The following CCDC93 variants were observed in gnomAD, a reference collection of about 807,000 sequenced individuals.
CCDC93 encodes the protein CCC complex scaffolding subunit CCDC93.
CCDC93 carries 61 observed loss-of-function variants against 108.2 expected under a neutral mutation model. The ratio of observed to expected loss-of-function variants is 0.56; its 90% confidence interval spans 0.46 to 0.70. CCDC93 has a LOEUF of 0.70. Among genes scored for constraint, CCDC93 ranks in the 30% least tolerant of loss-of-function variants. The pLI is 0.00. For synonymous variants in CCDC93, 276 were observed against 260.4 expected, an observed-to-expected ratio of 1.06 and a Z score of -0.58; for missense variants, 685 against 764.2, an observed-to-expected ratio of 0.90 and a Z score of 1.22.
At chr2:117,920,663 G>T (rs1305030472) in intron 23 of CCDC93, among the ~76,000 whole-genome samples, 2 of 152,184 alleles carry the variant, frequency 1.3e-5, no homozygotes, top group African/African-American at 4.8e-5. Context: ...AAGACTTCAT[G>T]AAGTCTGTGA....
At position 117,948,107 on chromosome 2, in the gene CCDC93, G is replaced by A. The variant is rs768880837; in HGVS notation, c.1222C>T (p.Arg408Ter). 10 of 1,610,438 alleles carry A rather than the reference G, an allele frequency of 6.2e-6. No individual in the cohort carries two copies. The highest frequency in any genetic ancestry group is 7.6e-6 in the Non-Finnish European group (9 of 1,176,726). Residue 408 changes from arginine to a stop codon, truncating the protein, a stop_gained and splice_region_variant, in exon 15 of 24, where the codon CGA (arginine) becomes TGA (stop). Transcript: ENST00000376300. LOFTEE classifies it high-confidence loss of function. ...SQEQEFKAHC[R>*]EEMTRLQQEI... Reference sequence around the variant, plus strand: ...TGCTGACACCAAACAACACTTACTCGACAATGTGCTTTAAATTCCTGTTCT... The same window carrying A: ...TGCTGACACCAAACAACACTTACTCAACAATGTGCTTTAAATTCCTGTTCT...
At chr2:118,002,306 T>G (rs1326532628) in intron 3 of CCDC93, among the ~76,000 whole-genome samples, 2 of 152,200 alleles carry the variant, frequency 1.3e-5, no homozygotes, top group African/African-American at 2.4e-5. Context: ...AAGATGAACA[T>G]CTGACTCAGG....
chr2:117,967,397 A>T (rs1679621665), intron 11 of CCDC93, among the ~76,000 whole-genome samples: 1 of 152,252 alleles, frequency 6.6e-6, no homozygotes, highest in African/African-American at 2.4e-5. Flanking sequence ...CACGGCTTTC[A>T]GCAGCTTAGG....
intron 18 of CCDC93, among the ~76,000 whole-genome samples, chr2:117,941,742 C>T (rs1678708508): frequency 6.6e-6 from 1 of 152,188 alleles, no homozygotes; most frequent in African/African-American, 2.4e-5. Context: ...TTAAAAAGCT[C>T]CTGCAACCTA....
intron 7 of CCDC93, among the ~76,000 whole-genome samples, chr2:117,981,455 C>T (rs571085654): frequency 8.5e-5 from 13 of 152,320 alleles, no homozygotes; most frequent in African/African-American, 2.6e-4. Flanking sequence ...TCCGCAGTGC[C>T]GCATGCTTCC....
rs1352546831 is a variant in CCDC93, at chr2:117,974,845, C to A, written c.801+5G>T. 6.4e-7 allele frequency: 1 copy of A among 1,569,434 alleles called. No homozygotes were observed. Among genetic ancestry groups the A allele is most frequent in the Middle Eastern group, 1.7e-4 (1 of 5,822 alleles). ...CATCCCCACACCTCCCCGACTCCCA[C>A]TCACCTCCTCATTTGCCATAGCGGT... is the stretch of plus-strand genomic sequence containing the variant. On this transcript the variant is annotated splice_donor_5th_base_variant and intron_variant, in intron 10 of 23. Transcript: ENST00000376300.
At chr2:117,953,791 G>A (rs1024577305) in intron 12 of CCDC93, among the ~76,000 whole-genome samples, 2 of 151,824 alleles carry the variant, frequency 1.3e-5, no homozygotes, top group Non-Finnish European at 2.9e-5. Flanking sequence ...CTATGTGGAA[G>A]GCTGAGGTGG....
At chr2:117,974,029 A>G in intron 10 of CCDC93, 35 bp from the exon 11 acceptor site, 1 of 1,401,052 alleles carries the variant, frequency 7.1e-7, no homozygotes, top group South Asian at 1.2e-5. Context: ...CTCAAGGCCA[A>G]GCCTTGTCTT....
chr2:117,998,836 A>G (rs1348583279), intron 4 of CCDC93: 1 of 152,228 alleles, frequency 6.6e-6, no homozygotes, highest in Non-Finnish European at 1.5e-5. Flanking sequence ...CAGGGCCCCA[A>G]CTTCCTATTT....
Position 117,993,321 on chromosome 2 carries a change from G to A in CCDC93, c.519+2125C>T, listed in dbSNP as rs373142121. On this transcript the variant is annotated intron_variant, in intron 6 of 23. Transcript: ENST00000376300. ...TGAGGCAGGAGAATGGCGTGAACCC[G>A]GGAGGCAGAGGTTGCAGTGAGCCGA... 3.1e-3 allele frequency among the ~76,000 whole-genome samples: 474 copies of A among 151,804 alleles called. 5 individuals are homozygous for A. The highest frequency in any genetic ancestry group is 0.011 in the African/African-American group (452 of 41,370).
At chr2:117,975,099 TG>T in intron 9 of CCDC93, 88 bp downstream of exon 9, 1 of 1,215,590 alleles carries the variant, frequency 8.2e-7, no homozygotes, top group Non-Finnish European at 1.2e-6. Context: ...TGGGAGGTGG[TG>T]GCCATTTGGG....
intron 6 of CCDC93, among the ~76,000 whole-genome samples, chr2:117,989,091 T>C (rs1269015409): frequency 6.6e-6 from 1 of 152,226 alleles, no homozygotes; most frequent in African/African-American, 2.4e-5. Flanking sequence ...TTTTTACATA[T>C]CAAAATGTTT....
At position 117,919,636 on chromosome 2, in the gene CCDC93, GGTCT is replaced by G. The variant is rs1359784737; in HGVS notation, c.*703_*706del. 1 of 152,168 alleles carries G rather than the reference GGTCT, an allele frequency of 6.6e-6. No individual in the cohort carries two copies. Among genetic ancestry groups the G allele is most frequent in the African/African-American group, 2.4e-5 (1 of 41,434 alleles). 9.4% of individuals were successfully genotyped at this position (152,168 alleles called of 1,614,324 possible). Reference sequence around the variant, plus strand: ...TTTTATTGACGTGTCCTCAGCACAAGGTCTGTTTTCAATTTTCTGAGAAATCAAC... The same window carrying G: ...TTTTATTGACGTGTCCTCAGCACAAGGTTTTCAATTTTCTGAGAAATCAAC... On this transcript the variant is annotated 3_prime_UTR_variant, in exon 24 of 24. Coordinates refer to ENST00000376300, the MANE Select transcript of CCDC93 (RefSeq NM_019044.5).
At chr2:117,988,380 T>C (rs1680381297) in intron 6 of CCDC93, among the ~76,000 whole-genome samples, 1 of 152,148 alleles carries the variant, frequency 6.6e-6, no homozygotes, top group South Asian at 2.1e-4. Flanking sequence ...AAATCCCTGA[T>C]CGCTTCCCTC....
chr2:117,982,747 T>C (rs531941358), intron 7 of CCDC93, among the ~76,000 whole-genome samples: 1 of 34,994 alleles, frequency 2.9e-5, no homozygotes, highest in East Asian at 1.4e-3. Context: ...TGTGATGCCA[T>C]AGTGTAGTGG....
chr2:117,935,671 C>T, intron 21 of CCDC93, 92 bp from the exon 22 acceptor site: 2 of 937,858 alleles, frequency 2.1e-6, no homozygotes, highest in Non-Finnish European at 1.7e-6. Context: ...CAGATTATGA[C>T]TCTTAGGAGA....
rs1677774027 is a variant in CCDC93 at position 117,918,869 on chromosome 2, G to A, written c.*1474C>T. ...CTTGCTGGCCCTGGCACTGAAACCA[G>A]TGGCTGTTTTTAATCCAGCACGTGT... On this transcript the variant is annotated 3_prime_UTR_variant, in exon 24 of 24. Transcript: ENST00000376300. 1 of 152,230 alleles carries A rather than the reference G, an allele frequency of 6.6e-6. No homozygotes were observed. Among genetic ancestry groups the A allele is most frequent in the African/African-American group, 2.4e-5 (1 of 41,462 alleles). 9.4% of individuals were successfully genotyped at this position (152,230 alleles called of 1,614,324 possible).
intron 11 of CCDC93, among the ~76,000 whole-genome samples, chr2:117,966,195 G>T (rs1679564362): frequency 6.6e-6 from 1 of 152,196 alleles, no homozygotes; most frequent in African/African-American, 2.4e-5. Context: ...ACTCTTTCTA[G>T]TTCAGAGGGG....
chr2:117,946,706 T>C, intron 16 of CCDC93, 105 bp downstream of exon 16: 1 of 743,186 alleles, frequency 1.3e-6, no homozygotes, highest in South Asian at 1.6e-5. Context: ...GGAATGTCTA[T>C]TTACAGGATA....
Sources: allele counts gnomAD v4.1 joint callset (sites outside exome capture counted in the v4.1 genomes callset), GRCh38; gene constraint gnomAD v4.1.1; transcripts MANE v1.5; gene names NCBI Gene and HGNC (gene_info 2026-07-23, HGNC 2026-07-21).